The following ANKS3 variants were observed in gnomAD, a reference collection of about 807,000 sequenced individuals.
The protein encoded by ANKS3 is ankyrin repeat and SAM domain-containing protein 3.
Under a neutral mutation model 80.7 loss-of-function variants are expected in ANKS3, and 62 were observed. The ratio of observed to expected loss-of-function variants is 0.77; its 90% CI spans 0.63 to 0.95. ANKS3 has a LOEUF of 0.95. Among genes scored for constraint, ANKS3 ranks in the 40% least tolerant of loss-of-function variants. The probability of loss-of-function intolerance (pLI) is 0.00; values close to 1 mark genes in which losing one functional copy is unlikely to be tolerated. For synonymous variants in ANKS3, 489 were observed against 355.3 expected, an observed-to-expected ratio of 1.38 and a Z score of -4.23; for missense variants, 1,150 against 883.6, an observed-to-expected ratio of 1.30 and a Z score of -3.82.
At chr16:4,699,308 T>C (rs1276760706) in intron 11 of ANKS3, 132 bp from the exon 12 acceptor site, 1 of 1,271,008 alleles carries the variant, frequency 7.9e-7, no homozygotes, top group Non-Finnish European at 1.1e-6. Context: ...GCGCCCAGGC[T>C]GTCCCCTCCT....
At position 4,734,191 on chromosome 16, in the gene ANKS3, C is replaced by T; in HGVS notation, c.-324G>A. On this transcript the variant is annotated 5_prime_UTR_variant, in exon 1 of 18. Coordinates refer to ENST00000304283, the MANE Select transcript of ANKS3 (RefSeq NM_133450.4). Reference sequence around the variant, plus strand: ...CCTCAGGCCTTGCGCCGCCCTCGGGCTGCCGTCGCCAACCCCCCCCAAACA... The same window carrying T: ...CCTCAGGCCTTGCGCCGCCCTCGGGTTGCCGTCGCCAACCCCCCCCAAACA... 5.5e-6 allele frequency: 1 copy of T among 180,640 alleles called. No individual in the cohort carries two copies. Among genetic ancestry groups the T allele is most frequent in the Non-Finnish European group, 8.0e-6 (1 of 124,654 alleles). The allele number at this position is 180,640 out of a possible 1,614,324, so 11.2% of individuals were successfully genotyped here.
At chr16:4,718,188 G>A (rs2080903193) in intron 6 of ANKS3, among the ~76,000 whole-genome samples, 1 of 151,808 alleles carries the variant, frequency 6.6e-6, no homozygotes, top group South Asian at 2.1e-4. Context: ...TAAAAGTGCT[G>A]GGATTACTGG....
chr16:4,713,320 A>G (rs2080602082), intron 7 of ANKS3, among the ~76,000 whole-genome samples: 1 of 152,160 alleles, frequency 6.6e-6, no homozygotes, highest in Non-Finnish European at 1.5e-5. Flanking sequence ...ATGCACTGAC[A>G]ATATGCAGTG....
intron 1 of ANKS3, among the ~76,000 whole-genome samples, chr16:4,733,068 T>C (rs1254377185): frequency 1.3e-5 from 2 of 151,856 alleles, no homozygotes; most frequent in Non-Finnish European, 2.9e-5. Context: ...TGGTTACTTC[T>C]AGTGTAACCA....
At chr16:4,729,549 T>G (rs1048572895) in intron 3 of ANKS3, 1 of 152,228 alleles carries the variant, frequency 6.6e-6, no homozygotes, top group Non-Finnish European at 1.5e-5. Context: ...TTAGTAGAGA[T>G]GGGGTTTCAT....
At chr16:4,724,987 G>T in intron 5 of ANKS3, 156 bp from the exon 6 acceptor site, 1 of 610,524 alleles carries the variant, frequency 1.6e-6, no homozygotes, top group Non-Finnish European at 2.9e-6. Flanking sequence ...CATGAGAACA[G>T]TGAATATAAC....
chr16:4,698,130 C>A, intron 14 of ANKS3, 68 bp from the exon 15 acceptor site: 1 of 1,493,034 alleles, frequency 6.7e-7, no homozygotes, highest in Non-Finnish European at 9.1e-7. Context: ...CCACCTCAGA[C>A]CTTCTAGGGG....
Position 4,697,352 on chromosome 16 carries a change from C to T in ANKS3, c.1875G>A (p.Glu625=). 1 of 1,609,418 alleles carries T rather than the reference C, an allele frequency of 6.2e-7. No individual in the cohort carries two copies. Among genetic ancestry groups the T allele is most frequent in the Non-Finnish European group, 8.5e-7 (1 of 1,177,436 alleles). ...MSLPELSGAL[E]DRVREMGQAL... The stretch of plus-strand genomic sequence containing the variant: ...ACTCACCCATCTCACGGACACGGTC[C>T]TCCAGGGCTCCCGAGAGCTCGGGGA... The change falls in exon 16 of 18, where the codon GAG becomes GAA. Residue 625 remains glutamate (E), a synonymous_variant. Transcript: ENST00000304283.
intron 3 of ANKS3, 116 bp downstream of exon 3, chr16:4,729,864 T>C: frequency 9.4e-7 from 1 of 1,059,554 alleles, no homozygotes; most frequent in Non-Finnish European, 1.2e-6. Context: ...ATAAGCAGGT[T>C]AACCTATTCT....
At chr16:4,706,930 A>C (rs940967579) in intron 7 of ANKS3, among the ~76,000 whole-genome samples, 26 of 152,200 alleles carry the variant, frequency 1.7e-4, no homozygotes, top group African/African-American at 5.5e-4. Flanking sequence ...GCCAGCAAAG[A>C]GGGAGAGCTC....
intron 6 of ANKS3, among the ~76,000 whole-genome samples, chr16:4,720,435 C>A (rs1255625652): frequency 6.7e-6 from 1 of 149,630 alleles, no homozygotes; most frequent in Non-Finnish European, 1.5e-5. Flanking sequence ...GCACTCCAGC[C>A]TGGGTGACAG....
intron 8 of ANKS3, among the ~76,000 whole-genome samples, chr16:4,702,542 C>G (rs945316051): frequency 6.6e-6 from 1 of 152,102 alleles, no homozygotes; most frequent in Non-Finnish European, 1.5e-5. Context: ...GATGCCTGAC[C>G]AGAGAAAACT....
chr16:4,715,366 C>G (rs867661963), intron 6 of ANKS3, among the ~76,000 whole-genome samples: 1 of 152,208 alleles, frequency 6.6e-6, no homozygotes, highest in Non-Finnish European at 1.5e-5. Context: ...GACCAGGCAG[C>G]TGGGGGAGGC....
chr16:4,697,020 C>A lies in ANKS3; in HGVS notation c.*8G>T. The A allele has an allele frequency of 6.2e-7, 1 of 1,611,944 alleles. No individual in the cohort carries two copies. The highest frequency in any genetic ancestry group is 8.5e-7 in the Non-Finnish European group (1 of 1,179,356). On this transcript the variant is annotated 3_prime_UTR_variant, in exon 17 of 18. Coordinates refer to ENST00000304283, the MANE Select transcript of ANKS3 (RefSeq NM_133450.4). ...ATCCAGGCTGGCAGACACTCACCGG[C>A]CCGCAGGCTAGGTCTCCCGCCACTT...
At chr16:4,733,298 A>T (rs886688088) in intron 1 of ANKS3, among the ~76,000 whole-genome samples, 3 of 147,988 alleles carry the variant, frequency 2.0e-5, no homozygotes, top group African/African-American at 7.5e-5. Flanking sequence ...TTTATTTATT[A>T]TTATTTTTTT....
intron 8 of ANKS3, 28 bp downstream of exon 8, chr16:4,705,067 G>A (rs1033258321): frequency 1.2e-6 from 2 of 1,606,680 alleles, no homozygotes; most frequent in African/African-American, 1.3e-5. Flanking sequence ...CAATGAGAAA[G>A]AGCCCTCGGG....
At chr16:4,722,787 G>A (rs932085549) in intron 6 of ANKS3, among the ~76,000 whole-genome samples, 14 of 145,646 alleles carry the variant, frequency 9.6e-5, no homozygotes, top group African/African-American at 1.8e-4. Context: ...GTGTGCGGGC[G>A]GGTGCCTGCA....
rs780459454 is a variant in ANKS3, at chr16:4,701,521, G to C, written c.1032C>G (p.Asn344Lys). The C allele has an allele frequency of 1.9e-6, 3 of 1,611,374 alleles. No homozygotes were observed. Among genetic ancestry groups the C allele is most frequent in the Non-Finnish European group, 2.5e-6 (3 of 1,178,634 alleles). The change falls in exon 10 of 18, where the codon AAC becomes AAG. Residue 344 changes from asparagine to lysine, a missense_variant. Coordinates refer to ENST00000304283, the MANE Select transcript of ANKS3 (RefSeq NM_133450.4). The part of the protein sequence containing the change: ...SSREEHAFCA[N>K]LGPVQSSSSS... ...TGCTGCTGCTCTGGACGGGCCCCAG[G>C]TTGGCACAGAAAGCATGTTCCTCTG...
chr16:4,712,002 G>C (rs1041653530), intron 7 of ANKS3, among the ~76,000 whole-genome samples: 8 of 152,108 alleles, frequency 5.3e-5, no homozygotes, highest in African/African-American at 1.7e-4. Context: ...ACACAAAAAA[G>C]GAAGGAAAAC....
Sources: gnomAD v4.1 joint callset for allele counts (sites outside exome capture counted in the v4.1 genomes callset) on GRCh38, gnomAD v4.1.1 for gene constraint, MANE v1.5 for transcripts, NCBI Gene and HGNC (gene_info 2026-07-23, HGNC 2026-07-21) for gene names.